DOCK3: variants seen among roughly 807,000 people sequenced by gnomAD.
DOCK3 encodes dedicator of cytokinesis protein 3.
DOCK3 carries 60 observed loss-of-function variants against 265.6 expected under a neutral mutation model. That is an observed-to-expected ratio of 0.23 (90% confidence interval 0.18 to 0.28). The LOEUF (loss-of-function observed/expected upper bound fraction) is 0.28. Ranked by LOEUF, DOCK3 falls within the 10% of genes least tolerant of loss-of-function variation. The pLI is 1.00. For synonymous variants in DOCK3, 881 were observed against 938.0 expected (o/e 0.94, Z 1.11); for missense variants, 1,981 against 2,594.3 (o/e 0.76, Z 5.14).
rs2109872373 is a variant in DOCK3, at chr3:51,114,400, A to T, written c.746+24016A>T. Among the ~76,000 whole-genome samples the T allele has an allele frequency of 1.3e-5, 2 of 152,346 alleles. 1 individual carries two copies. The highest frequency in any genetic ancestry group is 6.8e-3 in the Middle Eastern group (2 of 294). On this transcript the variant is annotated intron_variant, in intron 9 of 52. Coordinates refer to ENST00000266037, the MANE Select transcript of DOCK3 (RefSeq NM_004947.5). Reference sequence around the variant, plus strand: ...CGCTTCCTGTGGCCAACATTATTTCACACCAGCATCAATGCCAGAGGCTGC... The same window carrying T: ...CGCTTCCTGTGGCCAACATTATTTCTCACCAGCATCAATGCCAGAGGCTGC...
chr3:51,056,631 T>C (rs1384419009), intron 5 of DOCK3, among the ~76,000 whole-genome samples: 1 of 152,180 alleles, frequency 6.6e-6, no homozygotes, highest in Non-Finnish European at 1.5e-5. Flanking sequence ...GGGATGAGTT[T>C]TGGAATATAA....
intron 27 of DOCK3, among the ~76,000 whole-genome samples, chr3:51,297,071 T>TA (rs1187512959): frequency 7.5e-6 from 1 of 133,002 alleles, no homozygotes; most frequent in Non-Finnish European, 1.5e-5. Flanking sequence ...TGAGCTGAGA[T>TA]CGTGCCACTG....
At chr3:50,688,589 AGTAGCTG>A (rs2035002419) in intron 1 of DOCK3, among the ~76,000 whole-genome samples, 4 of 151,910 alleles carry the variant, frequency 2.6e-5, no homozygotes, top group Non-Finnish European at 5.9e-5. Context: ...CAGCCTCCTG[AGTAGCTG>A]GGATTATAGG....
At chr3:51,220,230 G>A (rs946168212) in intron 14 of DOCK3, among the ~76,000 whole-genome samples, 5 of 152,062 alleles carry the variant, frequency 3.3e-5, no homozygotes, top group Non-Finnish European at 5.9e-5. Flanking sequence ...CAACACATAG[G>A]CTTGGCATCA....
At chr3:50,980,072 A>G (rs894757244) in intron 5 of DOCK3, among the ~76,000 whole-genome samples, 1 of 152,166 alleles carries the variant, frequency 6.6e-6, no homozygotes, top group Non-Finnish European at 1.5e-5. Context: ...TCCCCATTCC[A>G]GTATGATGTT....
chr3:50,829,625 T>G (rs1217970179), intron 2 of DOCK3, among the ~76,000 whole-genome samples: 3 of 152,232 alleles, frequency 2.0e-5, no homozygotes, highest in Non-Finnish European at 2.9e-5. Context: ...GTGGTTTTCC[T>G]TCTCTTGGAG....
chr3:51,315,277 T>A, intron 32 of DOCK3, 149 bp downstream of exon 32: 2 of 1,029,730 alleles, frequency 1.9e-6, no homozygotes, highest in Non-Finnish European at 2.6e-6. Context: ...CCTTACTTGC[T>A]GGCCAAAATT....
intron 43 of DOCK3, 129 bp from the exon 44 acceptor site, chr3:51,356,833 C>A: frequency 1.8e-6 from 2 of 1,112,522 alleles, no homozygotes; most frequent in Non-Finnish European, 2.5e-6. Flanking sequence ...GGAAAGGGTC[C>A]AGGGAGTCTC....
intron 8 of DOCK3, 34 bp downstream of exon 8, chr3:51,089,318 C>T (rs1235630885): frequency 6.3e-7 from 1 of 1,597,096 alleles, no homozygotes; most frequent in Non-Finnish European, 8.5e-7. Context: ...CAGCCTTTCC[C>T]CTCAACTTTT....
At chr3:50,872,668 C>T (rs1269888720) in intron 3 of DOCK3, among the ~76,000 whole-genome samples, 2 of 152,198 alleles carry the variant, frequency 1.3e-5, no homozygotes, top group Non-Finnish European at 2.9e-5. Flanking sequence ...GAGGTGATAT[C>T]TAGGAGCCAG....
chr3:51,352,981 T>C (rs1191973577), intron 40 of DOCK3, among the ~76,000 whole-genome samples: 3 of 152,226 alleles, frequency 2.0e-5, no homozygotes, highest in African/African-American at 7.2e-5. Context: ...TTGGTTTCTC[T>C]GGGCCATCTG....
Position 51,380,176 on chromosome 3 carries a change from C to A in DOCK3, c.5552C>A (p.Pro1851His). ...DAFHHPLGDT[P>H]PALPARTLRK... ...TTCCACCACCCTCTGGGTGATACCCCCCCAGCCCTCCCTGCCCGGACCCTG... is the reference window on the plus strand; with the variant it reads ...TTCCACCACCCTCTGGGTGATACCCACCCAGCCCTCCCTGCCCGGACCCTG... Residue 1851 changes from proline (P) to histidine (H), a missense_variant, in exon 52 of 53, where the codon CCC becomes CAC. By Grantham distance (77) the Pro-to-His change is moderately conservative. Around this residue, in one of 4 missense-constraint regions of DOCK3, gnomAD observed 1,357 missense variants for 1,866.8 expected, o/e 0.73. Transcript: ENST00000266037. 6.2e-7 allele frequency: 1 copy of A among 1,613,596 alleles called. No individual in the cohort carries two copies. Among genetic ancestry groups the A allele is most frequent in the Middle Eastern group, 1.7e-4 (1 of 6,058 alleles).
chr3:51,279,994 A>G (rs2081025008), intron 26 of DOCK3, 112 bp from the exon 27 acceptor site: 2 of 783,286 alleles, frequency 2.6e-6, no homozygotes, highest in Admixed American at 2.7e-5. Context: ...TCTTTCTTCC[A>G]TGATCATTGG....
chr3:51,052,440 C>T (rs2081028880), intron 5 of DOCK3, among the ~76,000 whole-genome samples: 1 of 152,122 alleles, frequency 6.6e-6, no homozygotes, highest in South Asian at 2.1e-4. Flanking sequence ...GTTAAGGCTG[C>T]AGTGAGCCGT....
intron 3 of DOCK3, among the ~76,000 whole-genome samples, chr3:50,888,625 A>G (rs1055555060): frequency 2.0e-5 from 3 of 152,254 alleles, no homozygotes; most frequent in African/African-American, 7.2e-5. Flanking sequence ...ACAAGGCTAC[A>G]GTAACCAAAA....
At position 50,758,190 on chromosome 3, in the gene DOCK3, AAAAAAAG is replaced by A. The variant is rs1177334580; in HGVS notation, c.38-20478_38-20472del. On this transcript the variant is annotated intron_variant, in intron 1 of 52. Transcript: ENST00000266037. ...GAGACTCTGTCTCAAAAAAAAAAAAAAAAAAAGAAAAAAAAAAAGAAAATTAATTGGA... is the reference window on the plus strand; with the variant it reads ...GAGACTCTGTCTCAAAAAAAAAAAAAAAAAAAAAAAAGAAAATTAATTGGA... Among the ~76,000 whole-genome samples the A allele has an allele frequency of 3.0e-4, 42 of 138,402 alleles. 1 individual carries two copies. Among genetic ancestry groups the A allele is most frequent in the South Asian group, 1.2e-3 (5 of 4,178 alleles). The allele number at this position is 138,402 out of a possible 152,430, so 90.8% of individuals were successfully genotyped here. A position where few individuals can be genotyped will look rare whatever the true frequency, so the allele number is the denominator to read the frequency against.
chr3:51,174,508 A>G (rs2086844181), intron 12 of DOCK3, among the ~76,000 whole-genome samples: 2 of 69,614 alleles, frequency 2.9e-5, no homozygotes, highest in Admixed American at 1.6e-4. Flanking sequence ...ATAACTTCTC[A>G]TTTTGTTCAT....
At chr3:50,959,972 C>G (rs1396417214) in intron 5 of DOCK3, among the ~76,000 whole-genome samples, 2 of 152,136 alleles carry the variant, frequency 1.3e-5, no homozygotes, top group Non-Finnish European at 2.9e-5. Context: ...GCATAATGTC[C>G]TCTAGGTTCA....
chr3:51,090,171 A>G (rs960790625), intron 8 of DOCK3, 59 bp from the exon 9 acceptor site: 4 of 1,466,148 alleles, frequency 2.7e-6, no homozygotes, highest in Admixed American at 5.1e-5. Context: ...CCACTTTTTA[A>G]TGATCAATAT....
Sources: gnomAD v4.1 joint callset for allele counts (sites outside exome capture counted in the v4.1 genomes callset) on GRCh38, gnomAD v4.1.1 for gene constraint, gnomAD v4.1.1 regional missense constraint, MANE v1.5 for transcripts, NCBI Gene and HGNC (gene_info 2026-07-23, HGNC 2026-07-21) for gene names.